The following CDH13 variants were observed in gnomAD, a reference collection of about 807,000 sequenced individuals.
The protein encoded by CDH13 is cadherin 13, also known as cadherin-13.
In CDH13, 24 loss-of-function variants were observed where a neutral mutation model predicts 63.8. The observed-to-expected ratio is 0.38, with a 90% CI of 0.27 to 0.53. The LOEUF is 0.53. CDH13 is among the 20% of genes least tolerant of loss of function. The pLI, the probability that CDH13 is intolerant of heterozygous loss-of-function variation, is 0.85. For missense variants in CDH13, 1,049 were observed against 903.1 expected (o/e 1.16, Z -2.07); for synonymous variants, 503 against 355.3 (o/e 1.42, Z -4.67).
At chr16:83,575,194 G>A (rs1392545911) in intron 7 of CDH13, among the ~76,000 whole-genome samples, 1 of 152,160 alleles carries the variant, frequency 6.6e-6, no homozygotes, top group Non-Finnish European at 1.5e-5. Flanking sequence ...ATTTTTCTTT[G>A]GGGTGATGAA....
chr16:83,103,539 C>T (rs886626919), intron 3 of CDH13, among the ~76,000 whole-genome samples: 1 of 152,144 alleles, frequency 6.6e-6, no homozygotes, highest in Non-Finnish European at 1.5e-5. Context: ...AGCCACCGTG[C>T]CCGGCTAATT....
intron 10 of CDH13, among the ~76,000 whole-genome samples, chr16:83,741,249 A>T (rs12934964): frequency 3.3e-5 from 5 of 152,064 alleles, no homozygotes; most frequent in African/African-American, 7.2e-5. Flanking sequence ...ATTTCCTTCA[A>T]TTGGGAGTTC....
At chr16:82,647,552 A>G (rs9924250) in intron 1 of CDH13, among the ~76,000 whole-genome samples, 69,310 of 151,924 alleles carry the variant, frequency 0.46, 16,651 homozygotes, top group African/African-American at 0.62. Flanking sequence ...ACCTTTGAGA[A>G]TCAGTGTGGA....
At chr16:83,630,642 G>C (rs1040806306) in intron 8 of CDH13, among the ~76,000 whole-genome samples, 4 of 152,186 alleles carry the variant, frequency 2.6e-5, no homozygotes, top group South Asian at 4.2e-4. Context: ...GAAGCAATTA[G>C]ATATGCATTT....
At chr16:83,696,881 C>A (rs1905478750) in intron 10 of CDH13, among the ~76,000 whole-genome samples, 1 of 152,144 alleles carries the variant, frequency 6.6e-6, no homozygotes, top group African/African-American at 2.4e-5. Context: ...TGATGAAGCC[C>A]TTCAGTGCCT....
At position 82,644,557 on chromosome 16, in the gene CDH13, G is replaced by A. The variant is rs1035159953; in HGVS notation, c.45+17420G>A. ...TCCCCAGACCAGGCCCAGTGCACGA[G>A]TTTGGGTGCTGGAAGGGGAGGCTTT... On this transcript the variant is annotated intron_variant, in intron 1 of 13. Coordinates refer to ENST00000567109, the MANE Select transcript of CDH13 (RefSeq NM_001257.5). This position sits in a 1 kb window ranked among gnomAD's most constrained non-coding sequence, Gnocchi z 5.7. Among the ~76,000 whole-genome samples, 3 of 152,170 alleles carry A rather than the reference G, an allele frequency of 2.0e-5. No individual in the cohort carries two copies. Among genetic ancestry groups the A allele is most frequent in the African/African-American group, 7.2e-5 (3 of 41,434 alleles).
intron 3 of CDH13, among the ~76,000 whole-genome samples, chr16:83,085,565 T>C (rs2033539833): frequency 1.3e-5 from 2 of 152,232 alleles, no homozygotes; most frequent in Admixed American, 1.3e-4. Context: ...GTCTACTGTT[T>C]GTCTCTCATA....
chr16:83,469,830 C>T (rs1472018843), intron 6 of CDH13, among the ~76,000 whole-genome samples: 1 of 152,216 alleles, frequency 6.6e-6, no homozygotes, highest in Admixed American at 6.5e-5. Flanking sequence ...CAAAGCACAT[C>T]TCATATTTGA....
At chr16:82,744,908 T>G (rs1000804055) in intron 1 of CDH13, among the ~76,000 whole-genome samples, 14 of 152,154 alleles carry the variant, frequency 9.2e-5, no homozygotes, top group African/African-American at 3.1e-4. Context: ...CCAGAGCCTG[T>G]GGCCACCATA....
At chr16:82,950,515 G>T (rs1905183829) in intron 2 of CDH13, among the ~76,000 whole-genome samples, 1 of 152,146 alleles carries the variant, frequency 6.6e-6, no homozygotes. Flanking sequence ...GATGGTTTTA[G>T]AAGTGGTCTC....
At chr16:83,043,500 T>TACACACA (rs145134804) in intron 3 of CDH13, among the ~76,000 whole-genome samples, 1 of 137,610 alleles carries the variant, frequency 7.3e-6, no homozygotes, top group South Asian at 2.2e-4. Flanking sequence ...AGTGTGTGTG[T>TACACACA]GTGTGTGTGT....
chr16:83,773,345 A>G (rs1473230086), intron 11 of CDH13, among the ~76,000 whole-genome samples: 1 of 152,216 alleles, frequency 6.6e-6, no homozygotes, highest in Non-Finnish European at 1.5e-5. Flanking sequence ...TGGGTAATTT[A>G]TAAAGGAAAG....
chr16:83,276,688 G>C (rs1046204100), intron 5 of CDH13, among the ~76,000 whole-genome samples: 5 of 152,054 alleles, frequency 3.3e-5, no homozygotes, highest in Non-Finnish European at 7.4e-5. Context: ...GGCTAACACG[G>C]TGAAACCCTG....
At chr16:83,544,379 G>T (rs2075346167) in intron 7 of CDH13, among the ~76,000 whole-genome samples, 1 of 151,962 alleles carries the variant, frequency 6.6e-6, no homozygotes, top group Non-Finnish European at 1.5e-5. Context: ...CTTACGATGG[G>T]TTTATGACCC....
At chr16:82,980,139 C>G (rs1372725649) in intron 2 of CDH13, among the ~76,000 whole-genome samples, 1 of 152,188 alleles carries the variant, frequency 6.6e-6, no homozygotes, top group African/African-American at 2.4e-5. Context: ...AGGGAGCCCT[C>G]TCTGAAGTGG....
chr16:83,088,980 A>C (rs2033752323), intron 3 of CDH13, among the ~76,000 whole-genome samples: 1 of 152,228 alleles, frequency 6.6e-6, no homozygotes, highest in Non-Finnish European at 1.5e-5. Flanking sequence ...GTACAAGGGC[A>C]GAATTGAGTA....
chr16:83,092,397 T>C (rs571847295), intron 3 of CDH13, among the ~76,000 whole-genome samples: 1 of 152,354 alleles, frequency 6.6e-6, no homozygotes, highest in South Asian at 2.1e-4. Flanking sequence ...GGACACATTT[T>C]CATGAGGCAA....
At chr16:83,604,712 A>T (rs1183555702) in intron 8 of CDH13, among the ~76,000 whole-genome samples, 1 of 152,140 alleles carries the variant, frequency 6.6e-6, no homozygotes, top group Non-Finnish European at 1.5e-5. Flanking sequence ...CCTATTTCAA[A>T]ATAAAAACTC....
rs1183330671 is a variant in CDH13, at chr16:83,796,192, T to C, written c.*1162T>C. 1 of 152,380 alleles carries C rather than the reference T, an allele frequency of 6.6e-6. No individual in the cohort carries two copies. Among genetic ancestry groups the C allele is most frequent in the African/African-American group, 2.4e-5 (1 of 41,466 alleles). 9.4% of individuals were successfully genotyped at this position (152,380 alleles called of 1,614,324 possible). A position where few individuals can be genotyped will look rare whatever the true frequency, so the allele number is the denominator to read the frequency against. On this transcript the variant is annotated 3_prime_UTR_variant, in exon 14 of 14. Transcript: ENST00000567109. ...TGAGCATGTAAAAGCGGAAAGTTAG[T>C]GCTTGTTCTAAGATTACCTTCTTGT...
Sources: gnomAD v4.1 joint callset for allele counts (sites outside exome capture counted in the v4.1 genomes callset) on GRCh38, gnomAD v4.1.1 for gene constraint, Gnocchi (gnomAD v3.1) non-coding constraint, MANE v1.5 for transcripts, NCBI Gene and HGNC (gene_info 2026-07-23, HGNC 2026-07-21) for gene names.